The following RDH12 variants were observed in gnomAD, a reference collection of about 807,000 sequenced individuals.
RDH12 encodes retinol dehydrogenase 12.
RDH12 carries 21 observed loss-of-function variants against 34.0 expected under a neutral mutation model. That is an observed-to-expected ratio of 0.62 (90% CI 0.44 to 0.89). RDH12 has a LOEUF of 0.89. RDH12 is among the 40% of genes least tolerant of loss of function. The pLI, the probability that RDH12 is intolerant of heterozygous loss-of-function variation, is 0.00. For synonymous variants in RDH12, 198 were observed against 169.9 expected (o/e 1.17, Z -1.29); for missense variants, 394 against 398.6 (o/e 0.99, Z 0.10).
At chr14:67,722,151 G>T (rs77714485) in intron 2 of RDH12, among the ~76,000 whole-genome samples, 149 of 152,168 alleles carry the variant, frequency 9.8e-4, no homozygotes, top group African/African-American at 3.4e-3. Context: ...CTGCTCTTCT[G>T]ACGTCTCTCT....
At chr14:67,703,469 G>A (rs2037921331) in intron 1 of RDH12, among the ~76,000 whole-genome samples, 1 of 152,132 alleles carries the variant, frequency 6.6e-6, no homozygotes, top group Non-Finnish European at 1.5e-5. Context: ...TAAACAGTGA[G>A]CTTTATCTCA....
At chr14:67,718,428 G>A (rs2038090266) in intron 1 of RDH12, among the ~76,000 whole-genome samples, 1 of 152,216 alleles carries the variant, frequency 6.6e-6, no homozygotes, top group Non-Finnish European at 1.5e-5. Context: ...AGTATGAGCT[G>A]CTAGATGATT....
chr14:67,727,114 C>CA lies in RDH12; in HGVS notation c.583dup (p.Ser195LysfsTer19). 6.2e-7 allele frequency: 1 copy of CA among 1,614,218 alleles called. No homozygotes were observed. Among genetic ancestry groups the CA allele is most frequent in the African/African-American group, 1.3e-5 (1 of 75,068 alleles). On this transcript the variant is annotated frameshift_variant, in exon 7 of 9. Transcript: ENST00000551171. LOFTEE classifies it high-confidence loss of function. The stretch of plus-strand genomic sequence containing the variant: ...ACGACCTCCAGAGCGAGAAGCGCTA[C>CA]AGCAGGGGTTTTGCCTATTGCCACA...
chr14:67,731,758 C>T (rs927467953), intron 8 of RDH12, among the ~76,000 whole-genome samples: 2 of 151,962 alleles, frequency 1.3e-5, no homozygotes, highest in Non-Finnish European at 2.9e-5. Context: ...GTGGTTACTT[C>T]CAGGGAGTTT....
At chr14:67,724,229 T>C (rs1188456074) in intron 3 of RDH12, among the ~76,000 whole-genome samples, 1 of 152,194 alleles carries the variant, frequency 6.6e-6, no homozygotes, top group Admixed American at 6.5e-5. Context: ...TTTACTCTGT[T>C]TGCTAATATG....
At chr14:67,708,822 C>T (rs995721386) in intron 1 of RDH12, among the ~76,000 whole-genome samples, 69 of 138,982 alleles carry the variant, frequency 5.0e-4, no homozygotes, top group African/African-American at 1.8e-3. Flanking sequence ...GAGAGGGAGT[C>T]TCATTCTGTC....
At chr14:67,716,227 T>C (rs2038068983) in intron 1 of RDH12, among the ~76,000 whole-genome samples, 1 of 150,122 alleles carries the variant, frequency 6.7e-6, no homozygotes, top group Non-Finnish European at 1.5e-5. Flanking sequence ...AAAAAAGAAA[T>C]TGCCTAACTA....
chr14:67,720,573 A>T (rs1033950059), intron 1 of RDH12, among the ~76,000 whole-genome samples: 6 of 152,198 alleles, frequency 3.9e-5, no homozygotes, highest in Non-Finnish European at 7.3e-5. Flanking sequence ...TAATTAAATC[A>T]TCTGTCCCTT....
intron 8 of RDH12, 76 bp from the exon 9 acceptor site, chr14:67,733,670 C>T: frequency 1.0e-6 from 1 of 954,424 alleles, no homozygotes; most frequent in Non-Finnish European, 1.7e-6. Context: ...TAGAAACATT[C>T]TGAGAAAGGG....
In RDH12 at chr14:67,705,312, T is replaced by A. The variant is rs112313306; in HGVS notation, c.-275+3377T>A. ...AAATGTCCATGTTTAAGACAATCAGTAACACTTCATGATTCAGAAACAAAT... is the reference window on the plus strand; with the variant it reads ...AAATGTCCATGTTTAAGACAATCAGAAACACTTCATGATTCAGAAACAAAT... On this transcript the variant is annotated intron_variant, in intron 1 of 8. Transcript: ENST00000551171. Among the ~76,000 whole-genome samples, 798 of 152,346 alleles carry A rather than the reference T, an allele frequency of 5.2e-3. 6 individuals carry two copies. The highest frequency in any genetic ancestry group is 0.013 in the African/African-American group (540 of 41,580).
intron 6 of RDH12, 104 bp downstream of exon 6, chr14:67,726,259 C>T: frequency 1.3e-6 from 1 of 779,836 alleles, no homozygotes; most frequent in South Asian, 1.4e-5. Context: ...CTTCATAGAG[C>T]CTAGGAATTC....
intron 1 of RDH12, among the ~76,000 whole-genome samples, chr14:67,711,070 G>A (rs1179926507): frequency 6.6e-6 from 1 of 152,118 alleles, no homozygotes; most frequent in African/African-American, 2.4e-5. Flanking sequence ...ATTTTGAGAG[G>A]AACTTAGTTT....
chr14:67,729,046 G>A (rs1594867314), intron 7 of RDH12, 145 bp from the exon 8 acceptor site: 3 of 828,848 alleles, frequency 3.6e-6, no homozygotes. Context: ...TTCAAATTCC[G>A]CCTGGCCAGG....
chr14:67,712,067 G>A (rs2140117882), intron 1 of RDH12, among the ~76,000 whole-genome samples: 1 of 152,168 alleles, frequency 6.6e-6, no homozygotes, highest in South Asian at 2.1e-4. Flanking sequence ...TTACAGACAT[G>A]TGCCACCACA....
intron 8 of RDH12, among the ~76,000 whole-genome samples, chr14:67,731,987 C>T (rs967312912): frequency 6.6e-6 from 1 of 151,636 alleles, no homozygotes; most frequent in African/African-American, 2.4e-5. Context: ...ATTAGCTGAT[C>T]ATGTTGGTGG....
chr14:67,711,586 A>C (rs535734498), intron 1 of RDH12, among the ~76,000 whole-genome samples: 2 of 152,340 alleles, frequency 1.3e-5, no homozygotes, highest in South Asian at 2.1e-4. Context: ...CATTGTGTAC[A>C]CAACACATAA....
At chr14:67,727,419 T>C (rs2038201545) in intron 7 of RDH12, 1 of 527,602 alleles carries the variant, frequency 1.9e-6, no homozygotes, top group Non-Finnish European at 3.4e-6. Context: ...TGTCACATCT[T>C]ATCTCTTATC....
intron 1 of RDH12, chr14:67,705,841 G>C (rs1211467913): frequency 6.6e-6 from 1 of 152,044 alleles, no homozygotes; most frequent in Non-Finnish European, 1.5e-5. Context: ...TTTCCCTAGG[G>C]AAAATGATAT....
Position 67,712,493 on chromosome 14 carries a change from CAAAAAAAAAAAAA to C in RDH12, c.-274-8343_-274-8331del, listed in dbSNP as rs79758974. Among the ~76,000 whole-genome samples the C allele has an allele frequency of 1.7e-3, 68 of 38,934 alleles. 2 individuals carry two copies. The highest frequency in any genetic ancestry group is 2.9e-3 in the Non-Finnish European group (39 of 13,420). The allele number at this position is 38,934 out of a possible 152,430, so 25.5% of individuals were successfully genotyped here. A position where few individuals can be genotyped will look rare whatever the true frequency, so the allele number is the denominator to read the frequency against. On this transcript the variant is annotated intron_variant, in intron 1 of 8. Coordinates refer to ENST00000551171, the MANE Select transcript of RDH12 (RefSeq NM_152443.3). Reference sequence around the variant, plus strand: ...CAGTCAACTGAGAAGAAAAAACTTGCAAAAAAAAAAAAAAAAAAAAAAAAGACAAGGTTTTGGG... The same window carrying C: ...CAGTCAACTGAGAAGAAAAAACTTGCAAAAAAAAAAAGACAAGGTTTTGGG...
Sources: gnomAD v4.1 joint callset for allele counts (sites outside exome capture counted in the v4.1 genomes callset) on GRCh38, gnomAD v4.1.1 for gene constraint, MANE v1.5 for transcripts, NCBI Gene and HGNC (gene_info 2026-07-23, HGNC 2026-07-21) for gene names.